Variants in SCHIP1 observed in about 807,000 individuals in gnomAD.
SCHIP1 encodes schwannomin interacting protein 1.
A neutral mutation model predicts 29.7 loss-of-function variants in SCHIP1; 8 were observed. The observed-to-expected ratio is 0.27, with a 90% confidence interval of 0.16 to 0.49. SCHIP1 has a LOEUF of 0.49. Ranked by LOEUF, SCHIP1 falls within the 20% of genes least tolerant of loss-of-function variation. The probability of loss-of-function intolerance (pLI) is 0.99; values close to 1 mark genes in which losing one functional copy is unlikely to be tolerated. For synonymous variants in SCHIP1, 76 were observed against 94.9 expected, an observed-to-expected ratio of 0.80 and a Z score of 1.16; for missense variants, 193 against 294.6, an observed-to-expected ratio of 0.66 and a Z score of 2.52.
At chr3:159,491,852 G>A in the SCHIP1 span, among the ~76,000 whole-genome samples, 15 of 152,218 alleles carry the variant, frequency 9.9e-5, no homozygotes, top group Non-Finnish European at 1.9e-4. Context: ...GCACCCCCAA[G>A]TAGGGGCAGA....
chr3:159,533,987 C>CCCTG, the SCHIP1 span, among the ~76,000 whole-genome samples: 1 of 152,186 alleles, frequency 6.6e-6, no homozygotes, highest in Non-Finnish European at 1.5e-5. Flanking sequence ...AAGAAGCTAA[C>CCCTG]CCTGCCTCCT....
chr3:159,275,614 A>G, the SCHIP1 span, among the ~76,000 whole-genome samples: 1 of 152,172 alleles, frequency 6.6e-6, no homozygotes, highest in South Asian at 2.1e-4. Context: ...TTTTAGTGAT[A>G]TATTTATAAC....
the SCHIP1 span, among the ~76,000 whole-genome samples, chr3:159,795,766 C>G: frequency 1.3e-5 from 2 of 152,130 alleles, no homozygotes; most frequent in East Asian, 1.9e-4. Flanking sequence ...GCAGAGGGAA[C>G]AACGTGTGTA....
the SCHIP1 span, among the ~76,000 whole-genome samples, chr3:159,451,340 CTG>C: frequency 1.3e-5 from 2 of 152,206 alleles, no homozygotes; most frequent in Non-Finnish European, 2.9e-5. Context: ...GACAAAGACA[CTG>C]TTTTCAAAAT....
Position 159,843,001 on chromosome 3 carries a change from C to CTTCTTTTTTTTT in SCHIP1, c.30+2789_30+2790insCTTTTTTTTTTT, listed in dbSNP as rs1744394617. ...TCCAGTTCTATCCCAATATTTCTTT[C>CTTCTTTTTTTTT]TTTTTTTTTTTTTTTTTTTTTTTTT... On this transcript the variant is annotated intron_variant, in intron 1 of 6. Transcript: ENST00000445224. Among the ~76,000 whole-genome samples the CTTCTTTTTTTTT allele has an allele frequency of 4.9e-4, 31 of 63,738 alleles. 1 individual carries two copies. The highest frequency in any genetic ancestry group is 1.4e-3 in the African/African-American group (30 of 21,208). The allele number at this position is 63,738 out of a possible 152,430, so 41.8% of individuals were successfully genotyped here.
the SCHIP1 span, among the ~76,000 whole-genome samples, chr3:159,778,346 T>A: frequency 6.6e-6 from 1 of 152,182 alleles, no homozygotes; most frequent in South Asian, 2.1e-4. Context: ...TGGAATAATT[T>A]TAGATTTGCA....
the SCHIP1 span, among the ~76,000 whole-genome samples, chr3:159,317,736 T>G: frequency 6.6e-6 from 1 of 152,162 alleles, no homozygotes. Flanking sequence ...GTAGAGTGAG[T>G]GCCTTGGTCA....
chr3:159,863,485 A>C (rs1000753770), intron 1 of SCHIP1, among the ~76,000 whole-genome samples: 6 of 136,408 alleles, frequency 4.4e-5, no homozygotes, highest in African/African-American at 1.5e-4. Context: ...CTCTGGAGGA[A>C]AAAATTTTAA....
At chr3:159,801,520 G>C in the SCHIP1 span, among the ~76,000 whole-genome samples, 1 of 152,228 alleles carries the variant, frequency 6.6e-6, no homozygotes, top group South Asian at 2.1e-4. Context: ...ATTCTGCATG[G>C]ACATTTTGTT....
the SCHIP1 span, among the ~76,000 whole-genome samples, chr3:159,656,481 G>C: frequency 0.093 from 14,091 of 151,954 alleles, 2,062 homozygotes; most frequent in African/African-American, 0.32. Flanking sequence ...TCAGTTGCCA[G>C]GTGGCAACTG....
the SCHIP1 span, among the ~76,000 whole-genome samples, chr3:159,277,827 A>G: frequency 1.3e-5 from 2 of 152,024 alleles, no homozygotes; most frequent in Non-Finnish European, 2.9e-5. Context: ...AAGCAGGCGA[A>G]TCACTTGAAC....
At chr3:159,715,982 G>T in the SCHIP1 span, among the ~76,000 whole-genome samples, 2 of 152,246 alleles carry the variant, frequency 1.3e-5, no homozygotes, top group East Asian at 3.9e-4. Context: ...AGGAAAAAAT[G>T]TTAAGGGCAG....
chr3:159,439,241 C>A, the SCHIP1 span, among the ~76,000 whole-genome samples: 1 of 152,054 alleles, frequency 6.6e-6, no homozygotes, highest in African/African-American at 2.4e-5. Context: ...TAAAGAATTG[C>A]CTGAGACTGT....
chr3:159,511,156 C>G, the SCHIP1 span, among the ~76,000 whole-genome samples: 1 of 152,344 alleles, frequency 6.6e-6, no homozygotes, highest in African/African-American at 2.4e-5. Context: ...CCTACTCAAG[C>G]CTCAGCAATG....
chr3:159,801,735 ATACCT>A, the SCHIP1 span, among the ~76,000 whole-genome samples: 1 of 152,146 alleles, frequency 6.6e-6, no homozygotes, highest in Non-Finnish European at 1.5e-5. Context: ...ATATTTCTAT[ATACCT>A]TACAATTTTT....
chr3:159,322,496 A>G, the SCHIP1 span, among the ~76,000 whole-genome samples: 15 of 152,286 alleles, frequency 9.8e-5, no homozygotes, highest in Middle Eastern at 6.8e-3. Context: ...CCACCCACCC[A>G]GAGTGCTGAA....
At chr3:159,446,697 A>G in the SCHIP1 span, among the ~76,000 whole-genome samples, 1 of 152,198 alleles carries the variant, frequency 6.6e-6, no homozygotes, top group African/African-American at 2.4e-5. Flanking sequence ...AACGCAACCA[A>G]TAGTTCAGTG....
chr3:159,544,460 T>C, the SCHIP1 span, among the ~76,000 whole-genome samples: 1 of 152,022 alleles, frequency 6.6e-6, no homozygotes, highest in Non-Finnish European at 1.5e-5. Context: ...ACATGAGTTG[T>C]ACCAACTCAC....
the SCHIP1 span, among the ~76,000 whole-genome samples, chr3:159,629,861 A>G: frequency 6.6e-6 from 1 of 152,192 alleles, no homozygotes; most frequent in African/African-American, 2.4e-5. Context: ...TAAGGCATGC[A>G]CTCTGCAGTC....
Sources: gnomAD v4.1 joint callset for allele counts (sites outside exome capture counted in the v4.1 genomes callset) on GRCh38, gnomAD v4.1.1 for gene constraint, MANE v1.5 for transcripts, NCBI Gene and HGNC (gene_info 2026-07-23, HGNC 2026-07-21) for gene names.